The following SMC6 variants were observed in gnomAD, a reference collection of about 807,000 sequenced individuals.
SMC6 encodes structural maintenance of chromosomes 6.
Under a neutral mutation model 142.2 loss-of-function variants are expected in SMC6, and 79 were observed. That is an observed-to-expected ratio of 0.56 (90% CI 0.46 to 0.67). SMC6 has a LOEUF of 0.67. SMC6 is among the 30% of genes least tolerant of loss of function. The pLI is 0.00. For missense variants in SMC6, 1,072 were observed against 1,284.0 expected (o/e 0.83, Z 2.52); for synonymous variants, 411 against 412.4 (o/e 1.00, Z 0.04).
At chr2:17,667,026 T>C (rs907859890) in intron 26 of SMC6, among the ~76,000 whole-genome samples, 1 of 152,160 alleles carries the variant, frequency 6.6e-6, no homozygotes, top group Non-Finnish European at 1.5e-5. Context: ...ACTGAATAAA[T>C]ATGTCTTTCA....
chr2:17,729,255 C>T (rs1379544911), intron 7 of SMC6, among the ~76,000 whole-genome samples: 2 of 151,962 alleles, frequency 1.3e-5, no homozygotes, highest in Non-Finnish European at 2.9e-5. Context: ...TTTGAGCTAC[C>T]CACTCTTCAA....
intron 17 of SMC6, among the ~76,000 whole-genome samples, chr2:17,708,401 T>G (rs1342757006): frequency 2.0e-5 from 3 of 152,092 alleles, no homozygotes; most frequent in Non-Finnish European, 2.9e-5. Context: ...AAGAATAATA[T>G]GCATTTGTGA....
intron 23 of SMC6, among the ~76,000 whole-genome samples, chr2:17,688,494 G>C (rs1667560950): frequency 6.6e-6 from 1 of 152,066 alleles, no homozygotes; most frequent in Non-Finnish European, 1.5e-5. Flanking sequence ...GAGCCCGGGA[G>C]GGAGAGGTTG....
At chr2:17,725,137 T>C in intron 9 of SMC6, 120 bp downstream of exon 9, 1 of 668,608 alleles carries the variant, frequency 1.5e-6, no homozygotes, top group Non-Finnish European at 2.5e-6. Context: ...TTCAGAGTGC[T>C]ATAAAAATAT....
intron 25 of SMC6, among the ~76,000 whole-genome samples, chr2:17,673,392 T>C (rs139508980): frequency 2.6e-3 from 397 of 152,138 alleles, no homozygotes; most frequent in African/African-American, 9.1e-3. Flanking sequence ...AAATTATCAA[T>C]CTTTTCTTTT....
chr2:17,701,702 G>A, intron 20 of SMC6, 127 bp downstream of exon 20: 1 of 609,416 alleles, frequency 1.6e-6, no homozygotes. Flanking sequence ...CTTGGTGAAT[G>A]GAGACAGCAA....
rs192863236 is a variant in SMC6 at position 17,670,878 on chromosome 2, T to C, written c.2911-303A>G. On this transcript the variant is annotated intron_variant, in intron 25 of 27. Coordinates refer to ENST00000448223, the MANE Select transcript of SMC6 (RefSeq NM_001142286.2). The stretch of plus-strand genomic sequence containing the variant: ...AATGTTAATAAAACAATTTTTTTTC[T>C]GAAACAGGGTCTCGCTCTGTTGAAC... 6.6e-5 allele frequency among the ~76,000 whole-genome samples: 10 copies of C among 152,316 alleles called. 1 individual carries two copies. Among genetic ancestry groups the C allele is most frequent in the Admixed American group, 2.0e-4 (3 of 15,300 alleles).
At chr2:17,673,607 T>C (rs2103482138) in intron 25 of SMC6, among the ~76,000 whole-genome samples, 1 of 152,042 alleles carries the variant, frequency 6.6e-6, no homozygotes, top group Admixed American at 6.5e-5. Flanking sequence ...TTCGCTCTTA[T>C]TGCCCAGGCT....
chr2:17,714,941 T>G lies in SMC6; in HGVS notation c.1650A>C (p.Lys550Asn), dbSNP rs145642076. Residue 550 changes from lysine to asparagine, a missense_variant, in exon 16 of 28, where the codon AAA (lysine) becomes AAC (asparagine). Physicochemically the swap from Lys to Asn is moderately conservative, Grantham distance 94. This residue lies in a region of SMC6 where 994 missense variants were observed against 1,153.2 expected (regional missense o/e 0.86). Coordinates refer to ENST00000448223, the MANE Select transcript of SMC6 (RefSeq NM_001142286.2). Reference sequence around the variant, plus strand: ...GTGAGGTCCCTGGTAAATAAAACCTTTTCATGAGTGCCTGAAGGACCCTTT... The same window carrying G: ...GTGAGGTCCCTGGTAAATAAAACCTGTTCATGAGTGCCTGAAGGACCCTTT... ...ADERVLQALM[K>N]RFYLPGTSRP... 6.2e-7 allele frequency: 1 copy of G among 1,613,970 alleles called. No homozygotes were observed. The highest frequency in any genetic ancestry group is 1.1e-5 in the South Asian group (1 of 91,076).
intron 15 of SMC6, among the ~76,000 whole-genome samples, chr2:17,715,515 T>C (rs1000921680): frequency 6.6e-6 from 1 of 152,102 alleles, no homozygotes; most frequent in Non-Finnish European, 1.5e-5. Context: ...GAGATATTAC[T>C]ACAATACTTA....
intron 4 of SMC6, among the ~76,000 whole-genome samples, chr2:17,740,264 C>A (rs1670375116): frequency 6.6e-6 from 1 of 152,156 alleles, no homozygotes; most frequent in South Asian, 2.1e-4. Flanking sequence ...ATCTGTTTCT[C>A]CTAGAGACAC....
rs1004271742 is a variant in SMC6 at position 17,696,483 on chromosome 2, T to C, written c.2395-57A>G. 5.5e-5 allele frequency: 86 copies of C among 1,551,932 alleles called. No homozygotes were observed. The African/African-American group carries it at 1.1e-3, about 20-fold the overall frequency. On this transcript the variant is annotated intron_variant, in intron 21 of 27. Transcript: ENST00000448223. ...TTTAAAAAAATTTCCAGCATAGGTA[T>C]AAAGATAATAAACAACTCGGTAAAG...
In SMC6 at chr2:17,707,269, A is replaced by T. The variant is rs746469694; in HGVS notation, c.1956T>A (p.Ser652=). ...DQVFAGRYYS[S]ENTRPKFLSR... is the part of the protein sequence containing the mutation. ...TTAGGAACTTAGGTCTTGTATTTTC[A>T]GATGAATAATAACGTCCTGCAAAAA... Residue 652 remains serine (S), a synonymous_variant, in exon 18 of 28, where the codon TCT becomes TCA. Coordinates refer to ENST00000448223, the MANE Select transcript of SMC6 (RefSeq NM_001142286.2). 13 of 1,601,188 alleles carry T rather than the reference A, an allele frequency of 8.1e-6. No individual in the cohort carries two copies. Among genetic ancestry groups the T allele is most frequent in the African/African-American group, 2.7e-5 (2 of 74,244 alleles).
At position 17,665,251 on chromosome 2, in the gene SMC6, T is replaced by TA. The variant is rs1666442020; in HGVS notation, c.*247dup. 3 of 272,482 alleles carry TA rather than the reference T, an allele frequency of 1.1e-5. 1 individual carries two copies. The highest frequency in any genetic ancestry group is 1.3e-4 in the East Asian group (2 of 14,978). The allele number at this position is 272,482 out of a possible 1,614,324, so 16.9% of individuals were successfully genotyped here. Reference sequence around the variant, plus strand: ...AAGAACCTATAAAAATAGATCGTATTAAAAAAACTTAAAAAGATTTAAAAC... The same window carrying TA: ...AAGAACCTATAAAAATAGATCGTATTAAAAAAAACTTAAAAAGATTTAAAAC... On this transcript the variant is annotated 3_prime_UTR_variant, in exon 28 of 28. Transcript: ENST00000448223.
chr2:17,681,174 T>A (rs1667224319), intron 24 of SMC6: 1 of 152,412 alleles, frequency 6.6e-6, no homozygotes, highest in African/African-American at 2.4e-5. Flanking sequence ...CATACTTTTC[T>A]TCTGCAGCTT....
chr2:17,739,059 T>C (rs903561762), intron 4 of SMC6, among the ~76,000 whole-genome samples: 1 of 152,236 alleles, frequency 6.6e-6, no homozygotes, highest in African/African-American at 2.4e-5. Context: ...ACTTGCATTA[T>C]TTGTTGAATG....
At chr2:17,674,455 C>G (rs1263191429) in intron 25 of SMC6, among the ~76,000 whole-genome samples, 3 of 152,082 alleles carry the variant, frequency 2.0e-5, no homozygotes, top group Admixed American at 6.6e-5. Flanking sequence ...TGCATTATAG[C>G]CAGGAAATGG....
At chr2:17,720,052 A>G (rs1669293641) in intron 11 of SMC6, among the ~76,000 whole-genome samples, 1 of 152,296 alleles carries the variant, frequency 6.6e-6, no homozygotes, top group African/African-American at 2.4e-5. Context: ...GTAAAGAAGG[A>G]AAAAACTAGG....
At chr2:17,734,667 T>G (rs563418209) in intron 5 of SMC6, among the ~76,000 whole-genome samples, 2 of 152,318 alleles carry the variant, frequency 1.3e-5, no homozygotes, top group South Asian at 4.1e-4. Context: ...CTCCTTGTAT[T>G]TAAACTATCT....
Sources: gnomAD v4.1 joint callset for allele counts (sites outside exome capture counted in the v4.1 genomes callset) on GRCh38, gnomAD v4.1.1 for gene constraint, gnomAD v4.1.1 regional missense constraint, MANE v1.5 for transcripts, NCBI Gene and HGNC (gene_info 2026-07-23, HGNC 2026-07-21) for gene names.